NNT: variants seen among roughly 807,000 people sequenced by gnomAD.
NNT encodes nicotinamide nucleotide transhydrogenase, also known as NAD(P) transhydrogenase, mitochondrial.
In NNT, 50 loss-of-function variants were observed where a neutral mutation model predicts 104.8. The observed-to-expected ratio is 0.48, with a 90% CI of 0.38 to 0.60. The LOEUF is 0.60. NNT is among the 20% of genes least tolerant of loss of function. The pLI is 0.00. For synonymous variants in NNT, 461 were observed against 490.4 expected, an observed-to-expected ratio of 0.94 and a Z score of 0.79; for missense variants, 1,131 against 1,330.7, an observed-to-expected ratio of 0.85 and a Z score of 2.33.
At position 43,637,954 on chromosome 5, in the gene NNT, C is replaced by T. The variant is rs189078968; in HGVS notation, c.965-6238C>T. Among the ~76,000 whole-genome samples, 55 of 152,218 alleles carry T rather than the reference C, an allele frequency of 3.6e-4. 1 individual carries two copies. The highest frequency in any genetic ancestry group is 1.3e-3 in the African/African-American group (53 of 41,530). ...TGATATGATTTGGTTGTGCCCCCAC[C>T]CAAATCTCATCTTGAATTGTTGTTC... On this transcript the variant is annotated intron_variant, in intron 7 of 21. Transcript: ENST00000344920.
chr5:43,690,096 G>C (rs1157886621), intron 19 of NNT, among the ~76,000 whole-genome samples: 1 of 152,140 alleles, frequency 6.6e-6, no homozygotes, highest in Admixed American at 6.5e-5. Context: ...ACATGTTTGA[G>C]GGAATAATCG....
intron 9 of NNT, 68 bp downstream of exon 9, chr5:43,644,870 A>G: frequency 7.5e-7 from 1 of 1,329,706 alleles, no homozygotes; most frequent in Non-Finnish European, 1.0e-6. Context: ...CTGTTTATGG[A>G]AGAATTCTAT....
chr5:43,609,013 T>C, intron 1 of NNT, 130 bp from the exon 2 acceptor site: 2 of 453,386 alleles, frequency 4.4e-6, no homozygotes, highest in Non-Finnish European at 7.6e-6. Context: ...AAATAAATTC[T>C]TTATAGATGT....
chr5:43,629,348 T>C (rs1221615880), intron 7 of NNT, among the ~76,000 whole-genome samples: 5 of 152,218 alleles, frequency 3.3e-5, no homozygotes, highest in African/African-American at 7.2e-5. Flanking sequence ...TGTGTGTATA[T>C]ATGTATATGT....
At chr5:43,676,998 A>C (rs967327212) in intron 18 of NNT, among the ~76,000 whole-genome samples, 3 of 152,084 alleles carry the variant, frequency 2.0e-5, no homozygotes, top group African/African-American at 7.2e-5. Context: ...GACAGAAAGG[A>C]GGGTGAAGAT....
At chr5:43,625,639 G>C (rs1348933897) in intron 6 of NNT, among the ~76,000 whole-genome samples, 1 of 152,076 alleles carries the variant, frequency 6.6e-6, no homozygotes, top group Admixed American at 6.5e-5. Flanking sequence ...TTGCCCAATG[G>C]TATTTAAATG....
rs1455355441 is a variant in NNT, at chr5:43,613,038, T to G, written c.282T>G (p.Gly94=). The change falls in exon 3 of 22, where the codon GGT becomes GGG. Residue 94 remains glycine, a synonymous_variant. Transcript: ENST00000344920. ...KQGFNVVVES[G]AGEASKFSDD... is the part of the protein sequence containing the mutation. ...GTTTTAATGTTGTCGTGGAATCGGG[T>G]GCGGGCGAAGCTTCCAAGTTCTCAG... 6.2e-7 allele frequency: 1 copy of G among 1,613,974 alleles called. No individual in the cohort carries two copies. The highest frequency in any genetic ancestry group is 8.5e-7 in the Non-Finnish European group (1 of 1,180,022).
Position 43,645,405 on chromosome 5 carries a change from G to A in NNT, c.1339G>A (p.Gly447Ser). ...TCCCACACCGAAAAATATTCCTCAA[G>A]GTGCCCCAGTAAAACAGAAGACAGT... ...PAPTPKNIPQ[G>S]APVKQKTVAE... The change falls in exon 10 of 22, where the codon GGT becomes AGT. Residue 447 changes from glycine to serine, a missense_variant. Transcript: ENST00000344920. The A allele has an allele frequency of 6.4e-7, 1 of 1,567,894 alleles. No homozygotes were observed. Among genetic ancestry groups the A allele is most frequent in the Non-Finnish European group, 8.7e-7 (1 of 1,155,614 alleles).
At chr5:43,613,375 G>A (rs1749605662) in intron 3 of NNT, 2 of 435,654 alleles carry the variant, frequency 4.6e-6, no homozygotes, top group African/African-American at 4.0e-5. Flanking sequence ...TTTTACATTT[G>A]CTATATGGAC....
chr5:43,651,347 C>T (rs747052737), intron 12 of NNT, among the ~76,000 whole-genome samples: 3 of 152,056 alleles, frequency 2.0e-5, no homozygotes, highest in Admixed American at 6.6e-5. Context: ...GAGGTCAAGG[C>T]GGGTAGATCA....
chr5:43,693,139 G>A (rs1290832336), intron 19 of NNT, among the ~76,000 whole-genome samples: 2 of 151,974 alleles, frequency 1.3e-5, no homozygotes, highest in Admixed American at 6.6e-5. Context: ...AGAAGACAAG[G>A]TTAAAAGTCT....
In NNT at chr5:43,675,676, GA is replaced by G. The variant is rs767307602; in HGVS notation, c.2794+13del. 3 of 1,576,014 alleles carry G rather than the reference GA, an allele frequency of 1.9e-6. No homozygotes were observed. Among genetic ancestry groups the G allele is most frequent in the South Asian group, 2.4e-5 (2 of 84,150 alleles). On this transcript the variant is annotated splice_region_variant and intron_variant, in intron 18 of 21. Transcript: ENST00000344920. ...TAGCATTATTATTACACCAGGTAAA[GA>G]AAAAAAGCAAAAGCAAATAACCTAT...
intron 17 of NNT, among the ~76,000 whole-genome samples, chr5:43,668,865 T>C (rs1435337710): frequency 6.6e-6 from 1 of 152,234 alleles, no homozygotes; most frequent in Non-Finnish European, 1.5e-5. Flanking sequence ...ATAAATTACC[T>C]TGGGCAGAAT....
At chr5:43,648,250 A>G (rs1409444447) in intron 10 of NNT, 1 of 1,030,912 alleles carries the variant, frequency 9.7e-7, no homozygotes, top group Non-Finnish European at 1.2e-6. Context: ...CAATCCCTAG[A>G]TATTCCAGTG....
rs369414412 is a variant in NNT at position 43,609,291 on chromosome 5, T to G, written c.96T>G (p.Phe32Leu). The G allele has an allele frequency of 1.1e-5, 17 of 1,614,010 alleles. No homozygotes were observed. Among genetic ancestry groups the G allele is most frequent in the African/African-American group, 1.3e-5 (1 of 74,920 alleles). ...SCKGLRVKKD[F>L]LRTFYTHQEL... ...AGGGTCTACGTGTGAAGAAGGATTT[T>G]TTACGAACATTTTATACTCACCAAG... is the stretch of plus-strand genomic sequence containing the variant. The change falls in exon 2 of 22, where the codon TTT (phenylalanine) becomes TTG (leucine). Residue 32 changes from phenylalanine (F) to leucine (L), a missense_variant. Transcript: ENST00000344920.
chr5:43,615,808 G>A (rs1749754003), intron 3 of NNT, 40 bp from the exon 4 acceptor site: 2 of 1,435,192 alleles, frequency 1.4e-6, no homozygotes, highest in Admixed American at 2.1e-5. Context: ...TATGATTAAA[G>A]TATTTATATT....
chr5:43,703,085 C>T (rs1186543024), intron 21 of NNT, among the ~76,000 whole-genome samples: 3 of 152,170 alleles, frequency 2.0e-5, no homozygotes, highest in South Asian at 2.1e-4. Flanking sequence ...AAGTATCAAT[C>T]GCCTTCATAT....
rs1235439736 is a variant in NNT at position 43,705,904 on chromosome 5, T to G, written c.*1500T>G. 6.6e-6 allele frequency: 1 copy of G among 152,098 alleles called. No homozygotes were observed. The highest frequency in any genetic ancestry group is 1.5e-5 in the Non-Finnish European group (1 of 67,966). The allele number at this position is 152,098 out of a possible 1,614,324, so 9.4% of individuals were successfully genotyped here. A position where few individuals can be genotyped will look rare whatever the true frequency, so the allele number is the denominator to read the frequency against. Reference sequence around the variant, plus strand: ...TCAGGGCTGAATTATACCATGTATATTCTATTAGAAGAAAGTAAACACCAT... The same window carrying G: ...TCAGGGCTGAATTATACCATGTATAGTCTATTAGAAGAAAGTAAACACCAT... On this transcript the variant is annotated 3_prime_UTR_variant, in exon 22 of 22. Transcript: ENST00000344920.
chr5:43,689,184 C>G (rs1346510855), intron 19 of NNT, among the ~76,000 whole-genome samples: 1 of 152,048 alleles, frequency 6.6e-6, no homozygotes. Context: ...TGTATATCTT[C>G]TTTGAGAGTT....
Sources: gnomAD v4.1 joint callset for allele counts (sites outside exome capture counted in the v4.1 genomes callset) on GRCh38, gnomAD v4.1.1 for gene constraint, MANE v1.5 for transcripts, NCBI Gene and HGNC (gene_info 2026-07-23, HGNC 2026-07-21) for gene names.